The following KIAA1755 variants were observed in gnomAD, a reference collection of about 807,000 sequenced individuals.
KIAA1755 encodes uncharacterized protein KIAA1755.
KIAA1755 carries 68 observed loss-of-function variants against 91.7 expected under a neutral mutation model. The ratio of observed to expected loss-of-function variants is 0.74; its 90% CI spans 0.61 to 0.91. The LOEUF (loss-of-function observed/expected upper bound fraction) is 0.91. Ranked by LOEUF, KIAA1755 falls within the 40% of genes least tolerant of loss-of-function variation. KIAA1755 has a pLI of 0.00. For missense variants in KIAA1755, 1,535 were observed against 1,494.4 expected (o/e 1.03, Z -0.45); for synonymous variants, 610 against 604.6 (o/e 1.01, Z -0.13).
At chr20:38,236,613 G>A (rs1368222110) in intron 4 of KIAA1755, among the ~76,000 whole-genome samples, 1 of 152,226 alleles carries the variant, frequency 6.6e-6, no homozygotes, top group East Asian at 1.9e-4. Context: ...CTTTCAACAG[G>A]AGGAAGTGGC....
In KIAA1755 at chr20:38,210,548, A is replaced by G. The variant is rs1434054501; in HGVS notation, c.*2494T>C. 1 of 152,268 alleles carries G rather than the reference A, an allele frequency of 6.6e-6. No individual in the cohort carries two copies. Among genetic ancestry groups the G allele is most frequent in the African/African-American group, 2.4e-5 (1 of 41,470 alleles). 9.4% of individuals were successfully genotyped at this position (152,268 alleles called of 1,614,324 possible). ...TTTTTATACATTGTTACTCATTATG[A>G]CATTTCATTTCTGCATTCCCTTCTT... On this transcript the variant is annotated 3_prime_UTR_variant, in exon 14 of 14. Transcript: ENST00000279024.
chr20:38,242,073 G>A (rs1379655902), intron 2 of KIAA1755, 144 bp from the exon 3 acceptor site: 3 of 824,162 alleles, frequency 3.6e-6, no homozygotes, highest in Non-Finnish European at 5.6e-6. Context: ...CACTGTCAAG[G>A]TTGTGCAAAG....
At chr20:38,250,824 TGGGGA>T in intron 1 of KIAA1755, among the ~76,000 whole-genome samples, 1 of 151,632 alleles carries the variant, frequency 6.6e-6, no homozygotes, top group Admixed American at 6.6e-5. Context: ...TCTACACAGG[TGGGGA>T]TATGTGGGGG....
chr20:38,214,540 G>A (rs1167370404), intron 13 of KIAA1755, among the ~76,000 whole-genome samples: 2 of 152,228 alleles, frequency 1.3e-5, no homozygotes, highest in Non-Finnish European at 2.9e-5. Flanking sequence ...GCTCAGAGAA[G>A]TGAACTCACT....
intron 11 of KIAA1755, 75 bp from the exon 12 acceptor site, chr20:38,218,441 GC>G (rs1273266186): frequency 8.8e-5 from 139 of 1,577,956 alleles, no homozygotes; most frequent in Non-Finnish European, 1.2e-4. Flanking sequence ...CCACTTCCTT[GC>G]AGGCTGAGGT....
chr20:38,214,976 A>G (rs541611216), intron 13 of KIAA1755, among the ~76,000 whole-genome samples: 2 of 152,210 alleles, frequency 1.3e-5, no homozygotes, highest in Non-Finnish European at 2.9e-5. Context: ...CACGGAGCTC[A>G]TGGCCGGGAA....
rs985522932 is a variant in KIAA1755, at chr20:38,231,341, C to G, written c.1748-16G>C. ...TCCCGGCCACCTGGAGGACAGAGGG[C>G]ACACGTGAGCAGTGAGAACTTGTGG... On this transcript the variant is annotated splice_polypyrimidine_tract_variant and intron_variant, in intron 4 of 13. Coordinates refer to ENST00000279024, the MANE Select transcript of KIAA1755 (RefSeq NM_001029864.2). The G allele has an allele frequency of 6.3e-7, 1 of 1,597,934 alleles. No homozygotes were observed.
At chr20:38,219,922 G>A (rs2075627361) in intron 10 of KIAA1755, among the ~76,000 whole-genome samples, 154 bp from the exon 11 acceptor site, 1 of 152,212 alleles carries the variant, frequency 6.6e-6, no homozygotes, top group African/African-American at 2.4e-5. Context: ...TTCACCAAGG[G>A]CCTCAGCCTT....
intron 1 of KIAA1755, among the ~76,000 whole-genome samples, chr20:38,249,186 T>A (rs1008398494): frequency 6.6e-6 from 1 of 152,086 alleles, no homozygotes; most frequent in Non-Finnish European, 1.5e-5. Context: ...AGAACCACCA[T>A]TTTTCTGTCA....
Position 38,241,548 on chromosome 20 carries a change from T to C in KIAA1755, c.583A>G (p.Asn195Asp). 1 of 1,614,234 alleles carries C rather than the reference T, an allele frequency of 6.2e-7. No homozygotes were observed. The change falls in exon 3 of 14, where the codon AAT (asparagine) becomes GAT (aspartate). Residue 195 changes from asparagine (N) to aspartate (D), a missense_variant. By Grantham distance (23) the Asn-to-Asp change is conservative. Coordinates refer to ENST00000279024, the MANE Select transcript of KIAA1755 (RefSeq NM_001029864.2). ...GGCCCCCAGGCTTGGCAGAGGGCAT[T>C]CACTACTTGGGGTCTGTCATCCACA... is the stretch of plus-strand genomic sequence containing the variant. ...EFVDDRPQVV[N>D]ALCQAWGPLP...
intron 4 of KIAA1755, chr20:38,233,538 G>C (rs914560711): frequency 6.6e-6 from 1 of 152,218 alleles, no homozygotes; most frequent in South Asian, 2.1e-4. Context: ...CTGGGGTGGG[G>C]AAGCAGCTTC....
chr20:38,246,951 C>T lies in KIAA1755; in HGVS notation c.4-825G>A, dbSNP rs149855886. 3.4e-3 allele frequency among the ~76,000 whole-genome samples: 512 copies of T among 152,350 alleles called. 2 individuals carry two copies. Among genetic ancestry groups the T allele is most frequent in the African/African-American group, 0.011 (476 of 41,578 alleles). On this transcript the variant is annotated intron_variant, in intron 1 of 13. Coordinates refer to ENST00000279024, the MANE Select transcript of KIAA1755 (RefSeq NM_001029864.2). ...TTCCCCTCCACCAACAGCTCTCCAG[C>T]CAGGTGCTCCGCGCTGTCCCCTGCC...
rs141968501 is a variant in KIAA1755 at position 38,217,023 on chromosome 20, G to A, written c.2901+230C>T. 1.9e-4 allele frequency: 127 copies of A among 662,668 alleles called. No individual in the cohort carries two copies. In the African/African-American group the frequency reaches 2.0e-3, roughly 11 times the overall value. 41.0% of individuals were successfully genotyped at this position (662,668 alleles called of 1,614,324 possible). On this transcript the variant is annotated intron_variant, in intron 13 of 13. Coordinates refer to ENST00000279024, the MANE Select transcript of KIAA1755 (RefSeq NM_001029864.2). The stretch of plus-strand genomic sequence containing the variant: ...TTACAAGACTTGGGGAGTGAATCAC[G>A]ATGAGCCTCCGACTGTGTCTGGGTA...
chr20:38,220,550 G>A (rs920717425), intron 10 of KIAA1755, among the ~76,000 whole-genome samples: 1 of 152,102 alleles, frequency 6.6e-6, no homozygotes, highest in African/African-American at 2.4e-5. Flanking sequence ...CTGACTTCAG[G>A]TGATCTGTCT....
chr20:38,212,953 C>A lies in KIAA1755; in HGVS notation c.*89G>T. On this transcript the variant is annotated 3_prime_UTR_variant, in exon 14 of 14. Transcript: ENST00000279024. Reference sequence around the variant, plus strand: ...ACCAGTGCTCCATGGTGACGTCTCACTGGGACTGACCAGAGCTCCCAGCTA... The same window carrying A: ...ACCAGTGCTCCATGGTGACGTCTCAATGGGACTGACCAGAGCTCCCAGCTA... The A allele has an allele frequency of 9.9e-7, 1 of 1,011,824 alleles. No homozygotes were observed. The highest frequency in any genetic ancestry group is 1.6e-5 in the African/African-American group (1 of 61,778). 62.7% of individuals were successfully genotyped at this position (1,011,824 alleles called of 1,614,324 possible).
intron 1 of KIAA1755, among the ~76,000 whole-genome samples, chr20:38,252,854 A>G (rs968702567): frequency 1.3e-5 from 2 of 152,114 alleles, no homozygotes; most frequent in African/African-American, 4.8e-5. Context: ...AGGGGCTCAT[A>G]AGCCATCCAA....
rs2075744095 is a variant in KIAA1755, at chr20:38,225,700, G to A, written c.2134C>T (p.Pro712Ser). 6.2e-7 allele frequency: 1 copy of A among 1,613,374 alleles called. No individual in the cohort carries two copies. Among genetic ancestry groups the A allele is most frequent in the South Asian group, 1.1e-5 (1 of 91,012 alleles). ...QLPAVLEGPFPYCHTEWVHFF... is the reference protein window; with the variant it reads ...QLPAVLEGPFSYCHTEWVHFF... ...TGAACCCACTCGGTGTGGCAGTAGG[G>A]GAAGGGGCCTTCCAGGACTGCGGGC... Residue 712 changes from proline (P) to serine (S), a missense_variant, in exon 8 of 14, where the codon CCC becomes TCC. Pro to Ser is a moderately conservative substitution (Grantham distance 74). Transcript: ENST00000279024.
chr20:38,228,299 C>A, intron 5 of KIAA1755, 59 bp from the exon 6 acceptor site: 2 of 1,360,440 alleles, frequency 1.5e-6, no homozygotes, highest in East Asian at 5.1e-5. Context: ...GGGGGCAGGA[C>A]CTAGTGGAAG....
chr20:38,222,459 G>C lies in KIAA1755; in HGVS notation c.2407C>G (p.Pro803Ala). The C allele has an allele frequency of 1.2e-6, 2 of 1,613,010 alleles. No homozygotes were observed. Among genetic ancestry groups the C allele is most frequent in the Non-Finnish European group, 1.7e-6 (2 of 1,179,938 alleles). Reference protein sequence around the residue: ...QHDASRLDFSPDVRSHLAAAT... With the variant: ...QHDASRLDFSADVRSHLAAAT... ...CCTGGACGTCTGTACCTGACATCAG[G>C]GCTGAAGTCCAGCCTGCTGGCATCA... Residue 803 changes from proline (P) to alanine (A), a missense_variant, in exon 10 of 14, where the codon CCT (proline) becomes GCT (alanine). Physicochemically the swap from Pro to Ala is conservative, Grantham distance 27 (BLOSUM62 -1). Transcript: ENST00000279024.
Sources: gnomAD v4.1 joint callset for allele counts (sites outside exome capture counted in the v4.1 genomes callset) on GRCh38, gnomAD v4.1.1 for gene constraint, MANE v1.5 for transcripts, NCBI Gene and HGNC (gene_info 2026-07-23, HGNC 2026-07-21) for gene names.